The following WDPCP variants were observed in gnomAD, a reference collection of about 807,000 sequenced individuals.
WDPCP encodes WD repeat containing planar cell polarity effector.
A neutral mutation model predicts 93.1 loss-of-function variants in WDPCP; 71 were observed. The ratio of observed to expected loss-of-function variants is 0.76; its 90% CI spans 0.63 to 0.93. The LOEUF is 0.93. Ranked by LOEUF, WDPCP falls within the 40% of genes least tolerant of loss-of-function variation. The probability of loss-of-function intolerance (pLI) is 0.00; values close to 1 mark genes in which losing one functional copy is unlikely to be tolerated. For synonymous variants in WDPCP, 315 were observed against 315.0 expected (o/e 1.00, Z 0.00); for missense variants, 844 against 887.4 (o/e 0.95, Z 0.62).
intron 3 of WDPCP, among the ~76,000 whole-genome samples, chr2:63,634,938 A>C (rs904982829): frequency 6.6e-6 from 1 of 152,118 alleles, no homozygotes; most frequent in African/African-American, 2.4e-5. Flanking sequence ...CAATGGTACT[A>C]AGAGCTGGTT....
At chr2:63,430,142 C>G (rs774278246) in intron 9 of WDPCP, among the ~76,000 whole-genome samples, 1 of 152,098 alleles carries the variant, frequency 6.6e-6, no homozygotes, top group Non-Finnish European at 1.5e-5. Flanking sequence ...TACAACAGTT[C>G]TCTCTTATAA....
intron 2 of WDPCP, chr2:63,711,600 CA>C (rs1245774922): frequency 6.6e-6 from 1 of 152,128 alleles, no homozygotes. Flanking sequence ...ATCTAAAAAA[CA>C]AAACAAAACA....
chr2:63,418,241 C>T (rs1695575904), intron 9 of WDPCP, among the ~76,000 whole-genome samples: 1 of 151,948 alleles, frequency 6.6e-6, no homozygotes, highest in Non-Finnish European at 1.5e-5. Context: ...GGTTTTTCTC[C>T]CAAAATCAGC....
chr2:63,753,381 A>G (rs551332160), intron 2 of WDPCP, among the ~76,000 whole-genome samples: 5 of 152,282 alleles, frequency 3.3e-5, no homozygotes, highest in Admixed American at 2.0e-4. Context: ...GTGAGCCAAG[A>G]TTGCGCCATT....
At chr2:63,378,194 A>C (rs949031066) in intron 12 of WDPCP, 192 bp downstream of exon 12, 1 of 753,476 alleles carries the variant, frequency 1.3e-6, no homozygotes, top group Admixed American at 2.9e-5. Flanking sequence ...AAAACCCCCA[A>C]ATAATATTCA....
intron 3 of WDPCP, among the ~76,000 whole-genome samples, chr2:63,635,079 G>A (rs1709907300): frequency 6.6e-6 from 1 of 152,054 alleles, no homozygotes; most frequent in Non-Finnish European, 1.5e-5. Context: ...AGGATCATAG[G>A]CAACTACTAT....
At chr2:63,719,419 C>T (rs1299262187) in intron 2 of WDPCP, among the ~76,000 whole-genome samples, 6 of 152,156 alleles carry the variant, frequency 3.9e-5, no homozygotes, top group Middle Eastern at 3.2e-3. Context: ...ACCAACAAAA[C>T]CTAGCTGAAA....
At chr2:63,170,144 T>C (rs1673280404) in intron 15 of WDPCP, among the ~76,000 whole-genome samples, 3 of 151,818 alleles carry the variant, frequency 2.0e-5, no homozygotes, top group Non-Finnish European at 4.4e-5. Context: ...TCCTCCCACC[T>C]TGGCCTCCCA....
chr2:63,690,495 C>T (rs922222828), intron 2 of WDPCP, among the ~76,000 whole-genome samples: 1 of 152,138 alleles, frequency 6.6e-6, no homozygotes, highest in African/African-American at 2.4e-5. Context: ...TGACCCATGC[C>T]TGTAATCCCA....
At chr2:63,267,043 G>A (rs537066702) in intron 13 of WDPCP, among the ~76,000 whole-genome samples, 69 of 151,916 alleles carry the variant, frequency 4.5e-4, no homozygotes, top group Admixed American at 1.0e-3. Flanking sequence ...TGCACAAAAG[G>A]AACAAAGCTG....
intron 14 of WDPCP, among the ~76,000 whole-genome samples, chr2:63,221,126 A>G (rs1360843948): frequency 2.0e-5 from 3 of 152,118 alleles, no homozygotes; most frequent in Non-Finnish European, 4.4e-5. Flanking sequence ...GGTTGATTCC[A>G]TGTCTTTGCT....
intron 12 of WDPCP, among the ~76,000 whole-genome samples, chr2:63,336,605 T>C (rs1000266395): frequency 1.3e-5 from 2 of 152,140 alleles, no homozygotes; most frequent in African/African-American, 4.8e-5. Flanking sequence ...AAGATTATTG[T>C]ATGGCTTTCC....
intron 1 of WDPCP, among the ~76,000 whole-genome samples, chr2:63,513,614 T>C (rs1575559096): frequency 6.6e-6 from 1 of 152,270 alleles, no homozygotes; most frequent in South Asian, 2.1e-4. Flanking sequence ...AAGCAAGCCA[T>C]AAAACCTAGA....
rs148633002 is a variant in WDPCP at position 63,500,635 on chromosome 2, G to A, written c.76-7695C>T. The stretch of plus-strand genomic sequence containing the variant: ...TACTGTTCTGAATGCTGGGCTGTAA[G>A]CCAAAAATGCCTTCATTCTAATCCT... On this transcript the variant is annotated intron_variant, in intron 1 of 17. Coordinates refer to ENST00000272321, the MANE Select transcript of WDPCP (RefSeq NM_015910.7). 1.2e-4 allele frequency among the ~76,000 whole-genome samples: 18 copies of A among 152,256 alleles called. No individual in the cohort carries two copies. In the East Asian group the frequency reaches 2.9e-3, roughly 24 times the overall value.
chr2:63,455,432 AT>A (rs1698554309), intron 6 of WDPCP, among the ~76,000 whole-genome samples: 1 of 149,706 alleles, frequency 6.7e-6, no homozygotes, highest in Non-Finnish European at 1.5e-5. Flanking sequence ...ATATATATAT[AT>A]ATATATACAC....
At chr2:63,489,708 A>C (rs1700759857) in intron 2 of WDPCP, among the ~76,000 whole-genome samples, 1 of 152,174 alleles carries the variant, frequency 6.6e-6, no homozygotes, top group Non-Finnish European at 1.5e-5. Flanking sequence ...ATCAAAATAC[A>C]TAATGAAATA....
At chr2:63,769,446 C>A (rs1391651123) in intron 2 of WDPCP, among the ~76,000 whole-genome samples, 1 of 151,890 alleles carries the variant, frequency 6.6e-6, no homozygotes, top group Non-Finnish European at 1.5e-5. Flanking sequence ...AAATATTTGA[C>A]AGATTTAGAA....
At chr2:63,292,301 G>T (rs961043933) in intron 13 of WDPCP, among the ~76,000 whole-genome samples, 3 of 151,656 alleles carry the variant, frequency 2.0e-5, no homozygotes, top group Non-Finnish European at 4.4e-5. Flanking sequence ...CAGGTTGAGG[G>T]TCATGGAGAA....
At chr2:63,487,760 C>G (rs1235788246) in intron 2 of WDPCP, among the ~76,000 whole-genome samples, 1 of 152,036 alleles carries the variant, frequency 6.6e-6, no homozygotes, top group South Asian at 2.1e-4. Context: ...GAACTGAAAT[C>G]AAGAAACACC....
Sources: allele counts gnomAD v4.1 joint callset (sites outside exome capture counted in the v4.1 genomes callset), GRCh38; gene constraint gnomAD v4.1.1; transcripts MANE v1.5; gene names NCBI Gene and HGNC (gene_info 2026-07-23, HGNC 2026-07-21).